CGGBP1: variants seen among roughly 807,000 people sequenced by gnomAD.
CGGBP1 encodes CGG triplet repeat-binding protein 1.
A neutral mutation model predicts 11.4 loss-of-function variants in CGGBP1; 4 were observed. That is an observed-to-expected ratio of 0.35 (90% CI 0.17 to 0.80). The LOEUF (loss-of-function observed/expected upper bound fraction) is 0.80. CGGBP1 is among the 30% of genes least tolerant of loss of function. The pLI, the probability that CGGBP1 is intolerant of heterozygous loss-of-function variation, is 0.52. For missense variants in CGGBP1, 135 were observed against 202.1 expected, an observed-to-expected ratio of 0.67 and a Z score of 2.01; for synonymous variants, 76 against 74.1, an observed-to-expected ratio of 1.03 and a Z score of -0.13.
chr3:88,139,370 G>GA (rs1706982426), intron 2 of CGGBP1: 1 of 1,613,302 alleles, frequency 6.2e-7, no homozygotes, highest in South Asian at 1.1e-5. Context: ...AGGCTCATCA[G>GA]AAAAAAGGCA....
At chr3:88,091,063 A>C (rs1269354647) in intron 2 of CGGBP1, among the ~76,000 whole-genome samples, 1 of 152,206 alleles carries the variant, frequency 6.6e-6, no homozygotes, top group South Asian at 2.1e-4. Context: ...GTACAGTAGC[A>C]TGCTATACAG....
intron 2 of CGGBP1, among the ~76,000 whole-genome samples, chr3:88,125,104 A>G (rs1417967094): frequency 2.0e-5 from 3 of 151,954 alleles, no homozygotes; most frequent in Non-Finnish European, 4.4e-5. Context: ...AGTCCCAGCT[A>G]CTTGGGAGGC....
At chr3:88,082,219 C>G in intron 2 of CGGBP1, among the ~76,000 whole-genome samples, 1 of 151,970 alleles carries the variant, frequency 6.6e-6, no homozygotes. Context: ...CTCTGCCTCC[C>G]GGGTTCAAGT....
intron 2 of CGGBP1, among the ~76,000 whole-genome samples, chr3:88,096,135 A>G (rs768223832): frequency 1.3e-5 from 2 of 151,952 alleles, no homozygotes; most frequent in Non-Finnish European, 2.9e-5. Flanking sequence ...TCAAGATTCA[A>G]TTAGGTAAAT....
At chr3:88,139,247 G>A (rs958030141) in intron 2 of CGGBP1, 55 of 1,522,566 alleles carry the variant, frequency 3.6e-5, no homozygotes, top group Non-Finnish European at 3.3e-5. Context: ...ATATTAATAC[G>A]AAGAAAAATC....
At chr3:88,124,489 CTT>C (rs1156656567) in intron 2 of CGGBP1, among the ~76,000 whole-genome samples, 1 of 152,140 alleles carries the variant, frequency 6.6e-6, no homozygotes, top group Non-Finnish European at 1.5e-5. Flanking sequence ...AGTAAAACCT[CTT>C]TTGTATATTT....
At chr3:88,100,988 A>G (rs1704388374) in intron 2 of CGGBP1, among the ~76,000 whole-genome samples, 1 of 152,182 alleles carries the variant, frequency 6.6e-6, no homozygotes, top group South Asian at 2.1e-4. Context: ...GACAATTTTC[A>G]AGTATACTTG....
chr3:88,114,129 A>G (rs542297206), intron 2 of CGGBP1, among the ~76,000 whole-genome samples: 4 of 152,150 alleles, frequency 2.6e-5, no homozygotes, highest in African/African-American at 2.4e-5. Flanking sequence ...AAATCTTCCT[A>G]TTGTGGAGTT....
intron 2 of CGGBP1, chr3:88,129,136 C>G: frequency 1.5e-6 from 1 of 669,110 alleles, no homozygotes; most frequent in Non-Finnish European, 2.4e-6. Context: ...TTAAGGATTA[C>G]ATTATCTGGA....
intron 2 of CGGBP1, among the ~76,000 whole-genome samples, chr3:88,064,449 T>C (rs2107591654): frequency 6.6e-6 from 1 of 152,332 alleles, no homozygotes; most frequent in Non-Finnish European, 1.5e-5. Context: ...AATTAGGAGT[T>C]AGTTGCCATT....
intron 2 of CGGBP1, chr3:88,139,350 A>G (rs767681077): frequency 1.2e-6 from 2 of 1,610,788 alleles, no homozygotes; most frequent in Non-Finnish European, 8.5e-7. Context: ...TCACATTGTA[A>G]GGCATGCCCA....
intron 2 of CGGBP1, among the ~76,000 whole-genome samples, chr3:88,092,944 A>T (rs1415332321): frequency 6.6e-6 from 1 of 152,150 alleles, no homozygotes; most frequent in African/African-American, 2.4e-5. Flanking sequence ...TTCTGCTTTT[A>T]TTTATACTTG....
intron 2 of CGGBP1, among the ~76,000 whole-genome samples, chr3:88,069,025 T>C (rs1707355771): frequency 6.6e-6 from 1 of 152,146 alleles, no homozygotes; most frequent in Non-Finnish European, 1.5e-5. Flanking sequence ...AGCAGTGGAA[T>C]GGACACTGTT....
At chr3:88,084,765 C>T (rs1485053135) in intron 2 of CGGBP1, among the ~76,000 whole-genome samples, 3 of 152,178 alleles carry the variant, frequency 2.0e-5, no homozygotes. Context: ...AATCATGGCA[C>T]AGCAAGCAGC....
At chr3:88,149,731 A>G (rs1170304984) in exon 1 of CGGBP1, 1 of 197,446 alleles carries the variant, frequency 5.1e-6, no homozygotes, top group Admixed American at 5.7e-5. Flanking sequence ...GCAGCCCTCC[A>G]AGGCGCTCTT....
At chr3:88,117,297 G>A (rs1014443680) in intron 2 of CGGBP1, among the ~76,000 whole-genome samples, 4 of 152,130 alleles carry the variant, frequency 2.6e-5, no homozygotes, top group African/African-American at 7.2e-5. Context: ...TCCTGAAAAT[G>A]TAGGACTCAT....
chr3:88,120,709 C>T lies in CGGBP1; in HGVS notation c.-229+20261G>A, dbSNP rs532421844. On this transcript the variant is annotated intron_variant, in intron 2 of 3. Transcript: ENST00000462901. Reference sequence around the variant, plus strand: ...ATCCTCTTTATGCGTATATTACTTACGCACATGTACTCATACTATATACAT... The same window carrying T: ...ATCCTCTTTATGCGTATATTACTTATGCACATGTACTCATACTATATACAT... Among the ~76,000 whole-genome samples, 6 of 152,110 alleles carry T rather than the reference C, an allele frequency of 3.9e-5. No individual in the cohort carries two copies. The East Asian group carries it at 5.8e-4, about 15-fold the overall frequency.
intron 2 of CGGBP1, among the ~76,000 whole-genome samples, chr3:88,124,511 A>G (rs1705964927): frequency 6.6e-6 from 1 of 152,256 alleles, no homozygotes; most frequent in African/African-American, 2.4e-5. Flanking sequence ...TTAACCAGGA[A>G]TGCAACGTGG....
At chr3:88,105,663 A>G (rs1179936670) in intron 2 of CGGBP1, among the ~76,000 whole-genome samples, 2 of 152,090 alleles carry the variant, frequency 1.3e-5, no homozygotes, top group African/African-American at 4.8e-5. Flanking sequence ...TATATCTCTG[A>G]CCTCATCACA....
Sources: gnomAD v4.1 joint callset for allele counts (sites outside exome capture counted in the v4.1 genomes callset) on GRCh38, gnomAD v4.1.1 for gene constraint, MANE v1.5 for transcripts, NCBI Gene and HGNC (gene_info 2026-07-23, HGNC 2026-07-21) for gene names.